Variants in LARP1B observed in about 807,000 individuals in gnomAD.
The protein encoded by LARP1B is la-related protein 1B.
Under a neutral mutation model 114.2 loss-of-function variants are expected in LARP1B, and 76 were observed. The ratio of observed to expected loss-of-function variants is 0.67; its 90% confidence interval spans 0.55 to 0.81. LARP1B has a LOEUF of 0.81. Ranked by LOEUF, LARP1B falls within the 30% of genes least tolerant of loss-of-function variation. The pLI, the probability that LARP1B is intolerant of heterozygous loss-of-function variation, is 0.00. For synonymous variants in LARP1B, 345 were observed against 348.0 expected (o/e 0.99, Z 0.10); for missense variants, 1,014 against 1,075.8 (o/e 0.94, Z 0.80).
chr4:128,178,823 GTGGTT>G (rs1189157682), intron 14 of LARP1B, among the ~76,000 whole-genome samples, 181 bp downstream of exon 14: 1 of 152,142 alleles, frequency 6.6e-6, no homozygotes, highest in East Asian at 1.9e-4. Context: ...GTTGGGCACG[GTGGTT>G]TATGCCTGTA....
chr4:128,069,696 A>T (rs527524698), intron 1 of LARP1B: 1 of 386,918 alleles, frequency 2.6e-6, no homozygotes, highest in African/African-American at 2.0e-5. Context: ...TTAATCCCTT[A>T]CTTGTATTTA....
intron 9 of LARP1B, among the ~76,000 whole-genome samples, chr4:128,110,824 C>T (rs1783860616): frequency 6.6e-6 from 1 of 151,656 alleles, no homozygotes; most frequent in Non-Finnish European, 1.5e-5. Flanking sequence ...CATTTCATTT[C>T]TAAGCATATG....
At position 128,210,723 on chromosome 4, in the gene LARP1B, T is replaced by G. The variant is rs1758833726; in HGVS notation, c.*670T>G. ...TTTTGCTTTTCTCCCCCCAGTCATA[T>G]CTCATGATTTCCACAGTTGTTGTAT... On this transcript the variant is annotated 3_prime_UTR_variant, in exon 20 of 20. Transcript: ENST00000326639. 1 of 985,262 alleles carries G rather than the reference T, an allele frequency of 1.0e-6. No individual in the cohort carries two copies. The highest frequency in any genetic ancestry group is 6.2e-5 in the Admixed American group (1 of 16,260). 61.0% of individuals were successfully genotyped at this position (985,262 alleles called of 1,614,324 possible). A position where few individuals can be genotyped will look rare whatever the true frequency, so the allele number is the denominator to read the frequency against.
In LARP1B at chr4:128,209,914, G is replaced by A. The variant is rs1267190148; in HGVS notation, c.2606G>A (p.Ser869Asn). 1 of 1,613,968 alleles carries A rather than the reference G, an allele frequency of 6.2e-7. No homozygotes were observed. The highest frequency in any genetic ancestry group is 1.1e-5 in the South Asian group (1 of 91,072). ...KRHSSTSGEE[S>N]NRHRLPPNSS... ...CATTCCTCTACTTCTGGTGAGGAGA[G>A]TAATCGTCATAGACTTCCACCTAAT... Residue 869 changes from serine (S) to asparagine (N), a missense_variant, in exon 20 of 20, where the codon AGT (serine) becomes AAT (asparagine). Physicochemically the swap from Ser to Asn is conservative, Grantham distance 46. Coordinates refer to ENST00000326639, the MANE Select transcript of LARP1B (RefSeq NM_018078.4).
In LARP1B at chr4:128,166,225, C is replaced by T. The variant is rs538474411; in HGVS notation, c.1648+3908C>T. On this transcript the variant is annotated intron_variant, in intron 12 of 19. Transcript: ENST00000326639. ...ATTTTTCCAGTTGCACAGGTCAAAA[C>T]GTTTGTGTCATTTTTGATCCATTTG... 2.6e-5 allele frequency among the ~76,000 whole-genome samples: 4 copies of T among 151,992 alleles called. No individual in the cohort carries two copies. In the East Asian group the frequency reaches 7.7e-4, roughly 29 times the overall value.
intron 11 of LARP1B, among the ~76,000 whole-genome samples, chr4:128,131,592 T>TCTGTATTCCCAG (rs1791594943): frequency 6.6e-6 from 1 of 152,082 alleles, no homozygotes. Context: ...GTGGTGTGTG[T>TCTGTATTCCCAG]CTGTATTCCC....
intron 11 of LARP1B, among the ~76,000 whole-genome samples, chr4:128,159,776 G>A (rs1737570856): frequency 6.6e-6 from 1 of 152,112 alleles, no homozygotes; most frequent in Admixed American, 6.6e-5. Flanking sequence ...ATAAAAATAG[G>A]TACAGCCACT....
chr4:128,169,629 CT>C (rs1343218628), intron 12 of LARP1B, among the ~76,000 whole-genome samples: 5 of 151,820 alleles, frequency 3.3e-5, no homozygotes, highest in Admixed American at 6.6e-5. Flanking sequence ...TTATCTCTAT[CT>C]ATCTATATAT....
At position 128,107,457 on chromosome 4, in the gene LARP1B, CATA is replaced by C; in HGVS notation, c.988+145_988+147del. The C allele has an allele frequency of 2.0e-6, 3 of 1,475,160 alleles. 1 individual carries two copies. The South Asian group carries it at 4.3e-5, about 21-fold the overall frequency. The allele number at this position is 1,475,160 out of a possible 1,614,324, so 91.4% of individuals were successfully genotyped here. On this transcript the variant is annotated intron_variant, in intron 9 of 19. Coordinates refer to ENST00000326639, the MANE Select transcript of LARP1B (RefSeq NM_018078.4). ...AGACTTTTGAGTCCCATTTTGTATTCATATTGCCTCACTCACAGAGTTACAAAT... is the reference window on the plus strand; with the variant it reads ...AGACTTTTGAGTCCCATTTTGTATTCTTGCCTCACTCACAGAGTTACAAAT...
At chr4:128,146,948 C>G (rs1730608043) in intron 11 of LARP1B, among the ~76,000 whole-genome samples, 2 of 152,120 alleles carry the variant, frequency 1.3e-5, no homozygotes, top group South Asian at 2.1e-4. Context: ...GCTTAGTATT[C>G]CTGACCAAAA....
At chr4:128,067,284 T>C (rs1763369542) in intron 1 of LARP1B, among the ~76,000 whole-genome samples, 1 of 152,182 alleles carries the variant, frequency 6.6e-6, no homozygotes, top group South Asian at 2.1e-4. Flanking sequence ...AGAGAGAGAA[T>C]TGTATTGAAA....
Position 128,120,733 on chromosome 4 carries a change from G to A in LARP1B, c.1162-1093G>A, listed in dbSNP as rs111302389. ...GATCTGCCCATCTTGGCCTCCCAAA[G>A]TGTTGGGATTACAGATGTGAGCCAC... On this transcript the variant is annotated intron_variant, in intron 10 of 19. Transcript: ENST00000326639. Among the ~76,000 whole-genome samples the A allele has an allele frequency of 8.6e-4, 131 of 151,502 alleles. 1 individual carries two copies. The highest frequency in any genetic ancestry group is 3.4e-3 in the Middle Eastern group (1 of 292).
intron 1 of LARP1B, among the ~76,000 whole-genome samples, chr4:128,072,289 C>T (rs1765682911): frequency 6.6e-6 from 1 of 152,132 alleles, no homozygotes; most frequent in South Asian, 2.1e-4. Flanking sequence ...GCGTGAGCCA[C>T]TGTGCCCGGC....
At chr4:128,088,601 A>G (rs1187795853) in intron 5 of LARP1B, among the ~76,000 whole-genome samples, 1 of 152,164 alleles carries the variant, frequency 6.6e-6, no homozygotes, top group African/African-American at 2.4e-5. Flanking sequence ...CACAAGTACA[A>G]GAGGCTCTCT....
chr4:128,067,014 G>A (rs1763235962), intron 1 of LARP1B, among the ~76,000 whole-genome samples: 1 of 151,436 alleles, frequency 6.6e-6, no homozygotes, highest in African/African-American at 2.4e-5. Context: ...TACCACGTTG[G>A]CCAGGCTGGT....
chr4:128,203,543 T>C (rs1756702065), intron 17 of LARP1B, among the ~76,000 whole-genome samples: 1 of 151,922 alleles, frequency 6.6e-6, no homozygotes, highest in Admixed American at 6.6e-5. Context: ...CCGGCTAATT[T>C]TTGTATTTTT....
chr4:128,076,588 T>C (rs1367706825), intron 3 of LARP1B, among the ~76,000 whole-genome samples: 1 of 152,174 alleles, frequency 6.6e-6, no homozygotes, highest in Non-Finnish European at 1.5e-5. Flanking sequence ...GTAGAAAATT[T>C]TTCATTTTTT....
At chr4:128,175,737 G>A (rs1344900059) in intron 12 of LARP1B, among the ~76,000 whole-genome samples, 4 of 151,964 alleles carry the variant, frequency 2.6e-5, no homozygotes, top group Non-Finnish European at 5.9e-5. Context: ...AATCCATTTC[G>A]GTCGTTGTTT....
chr4:128,173,715 G>T (rs1744787319), intron 12 of LARP1B, among the ~76,000 whole-genome samples: 1 of 152,144 alleles, frequency 6.6e-6, no homozygotes, highest in Non-Finnish European at 1.5e-5. Context: ...AGTTAGGTGG[G>T]ATATGAGAAT....
Sources: allele counts gnomAD v4.1 joint callset (sites outside exome capture counted in the v4.1 genomes callset), GRCh38; gene constraint gnomAD v4.1.1; transcripts MANE v1.5; gene names NCBI Gene and HGNC (gene_info 2026-07-23, HGNC 2026-07-21).